PDE4B: variants seen among roughly 807,000 people sequenced by gnomAD.
PDE4B encodes phosphodiesterase 4B, also known as 3',5'-cyclic-AMP phosphodiesterase 4B.
In PDE4B, 20 loss-of-function variants were observed where a neutral mutation model predicts 82.2. The observed-to-expected ratio is 0.24, with a 90% CI of 0.17 to 0.35. The LOEUF (loss-of-function observed/expected upper bound fraction) is 0.35, where lower values mean the gene tolerates loss of function less well. Ranked by LOEUF, PDE4B falls within the 10% of genes least tolerant of loss-of-function variation. The pLI, the probability that PDE4B is intolerant of heterozygous loss-of-function variation, is 1.00. For synonymous variants in PDE4B, 320 were observed against 318.9 expected, an observed-to-expected ratio of 1.00 and a Z score of -0.04; for missense variants, 655 against 907.2, an observed-to-expected ratio of 0.72 and a Z score of 3.57.
intron 7 of PDE4B, among the ~76,000 whole-genome samples, chr1:66,296,354 A>G (rs1657513291): frequency 6.6e-6 from 1 of 152,174 alleles, no homozygotes; most frequent in Non-Finnish European, 1.5e-5. Flanking sequence ...TCTGTTTACG[A>G]TAAACAAGAA....
intron 5 of PDE4B, 41 bp downstream of exon 5, chr1:66,257,724 G>A: frequency 2.5e-6 from 4 of 1,610,238 alleles, no homozygotes; most frequent in Non-Finnish European, 3.4e-6. Context: ...CACTGTCGCT[G>A]GTTTCTAAGT....
chr1:65,991,304 C>T (rs1651227664), intron 3 of PDE4B, among the ~76,000 whole-genome samples: 1 of 152,080 alleles, frequency 6.6e-6, no homozygotes, highest in African/African-American at 2.4e-5. Context: ...TGGTCTCAAA[C>T]TCCTGGCCTC....
At chr1:66,324,267 A>T (rs2101897648) in intron 7 of PDE4B, among the ~76,000 whole-genome samples, 1 of 152,248 alleles carries the variant, frequency 6.6e-6, no homozygotes, top group Non-Finnish European at 1.5e-5. Flanking sequence ...TAGAATCAAT[A>T]TGTCAATCAA....
At chr1:66,142,135 A>G (rs1231811087) in intron 3 of PDE4B, among the ~76,000 whole-genome samples, 1 of 152,216 alleles carries the variant, frequency 6.6e-6, no homozygotes, top group Non-Finnish European at 1.5e-5. Context: ...AAGGGTCATC[A>G]TAAAGGTCTT....
intron 4 of PDE4B, among the ~76,000 whole-genome samples, chr1:66,251,726 T>C (rs1396689422): frequency 6.6e-6 from 1 of 152,124 alleles, no homozygotes; most frequent in Non-Finnish European, 1.5e-5. Context: ...AGGTGCTAAC[T>C]AATCCTCCAG....
intron 3 of PDE4B, among the ~76,000 whole-genome samples, chr1:66,201,186 G>T (rs543782141): frequency 6.6e-6 from 1 of 152,270 alleles, no homozygotes; most frequent in South Asian, 2.1e-4. Context: ...TTGCATCCCA[G>T]GGATGAAGCC....
chr1:66,176,807 CAATT>C (rs1646939637), intron 3 of PDE4B, among the ~76,000 whole-genome samples: 1 of 152,166 alleles, frequency 6.6e-6, no homozygotes, highest in Admixed American at 6.5e-5. Context: ...ACTAATCTCA[CAATT>C]AATCTTTATT....
At chr1:66,185,452 C>T (rs1382037524) in intron 3 of PDE4B, among the ~76,000 whole-genome samples, 1 of 152,058 alleles carries the variant, frequency 6.6e-6, no homozygotes, top group African/African-American at 2.4e-5. Flanking sequence ...TTTACAGTCC[C>T]ACCAACAGTG....
chr1:66,214,502 A>G (rs1326965435), intron 3 of PDE4B, among the ~76,000 whole-genome samples: 1 of 152,184 alleles, frequency 6.6e-6, no homozygotes, highest in Non-Finnish European at 1.5e-5. Flanking sequence ...CATCAATTCT[A>G]TGATACACAT....
intron 3 of PDE4B, among the ~76,000 whole-genome samples, chr1:66,076,185 C>T (rs1366375388): frequency 3.3e-5 from 5 of 152,080 alleles, no homozygotes; most frequent in African/African-American, 1.2e-4. Flanking sequence ...TGCCCACCTG[C>T]TCTTCTTATA....
rs144845158 is a variant in PDE4B, at chr1:65,946,797, C to T, written c.281+27962C>T. Among the ~76,000 whole-genome samples the T allele has an allele frequency of 5.3e-5, 8 of 152,106 alleles. No homozygotes were observed. In the East Asian group the frequency reaches 1.5e-3, roughly 29 times the overall value. On this transcript the variant is annotated intron_variant, in intron 3 of 16. Transcript: ENST00000341517. ...TGCCTGGGGCTCCTCTCAAAAGTTA[C>T]ACCTCTTTGCATCGTTTGGCAAATA...
At chr1:66,084,673 G>T (rs184447868) in intron 3 of PDE4B, among the ~76,000 whole-genome samples, 1 of 152,230 alleles carries the variant, frequency 6.6e-6, no homozygotes, top group East Asian at 1.9e-4. Flanking sequence ...GGAAGCTCAG[G>T]TGTGGAAGTG....
chr1:65,930,671 T>G (rs1212856256), intron 3 of PDE4B, among the ~76,000 whole-genome samples: 3 of 152,246 alleles, frequency 2.0e-5, no homozygotes, highest in African/African-American at 7.2e-5. Flanking sequence ...TTTTGGCTGA[T>G]TTCTCTCTTT....
At chr1:65,865,302 T>C (rs1263326651) in intron 1 of PDE4B, among the ~76,000 whole-genome samples, 3 of 152,170 alleles carry the variant, frequency 2.0e-5, no homozygotes, top group Admixed American at 6.5e-5. Context: ...CAGTGGTTCT[T>C]AGCTAGATGG....
chr1:66,133,544 A>C (rs929772070), intron 3 of PDE4B, among the ~76,000 whole-genome samples: 1 of 152,216 alleles, frequency 6.6e-6, no homozygotes, highest in Admixed American at 6.5e-5. Context: ...GCTTACTGCA[A>C]AGTATGAATA....
At chr1:65,882,518 C>G (rs1461574598) in intron 1 of PDE4B, among the ~76,000 whole-genome samples, 2 of 151,936 alleles carry the variant, frequency 1.3e-5, no homozygotes, top group Non-Finnish European at 2.9e-5. Context: ...GTCTAATATG[C>G]AAATGGTTAA....
At chr1:65,929,629 T>A (rs1223324844) in intron 3 of PDE4B, among the ~76,000 whole-genome samples, 1 of 152,180 alleles carries the variant, frequency 6.6e-6, no homozygotes. Flanking sequence ...GGAGACAGAA[T>A]CCATGAGTTT....
chr1:66,194,602 A>C (rs1557624544), intron 3 of PDE4B, among the ~76,000 whole-genome samples: 1 of 152,138 alleles, frequency 6.6e-6, no homozygotes, highest in Non-Finnish European at 1.5e-5. Context: ...AATGAAGTAA[A>C]ATAAGTTTTG....
intron 3 of PDE4B, among the ~76,000 whole-genome samples, chr1:66,077,251 A>G (rs1909886): frequency 0.74 from 112,924 of 152,066 alleles, 43,003 homozygotes; most frequent in Non-Finnish European, 0.84. Flanking sequence ...CTTTATGAGC[A>G]TACCACCACT....
Sources: gnomAD v4.1 joint callset for allele counts (sites outside exome capture counted in the v4.1 genomes callset) on GRCh38, gnomAD v4.1.1 for gene constraint, MANE v1.5 for transcripts, NCBI Gene and HGNC (gene_info 2026-07-23, HGNC 2026-07-21) for gene names.